The following UBR3 variants were observed in gnomAD, a reference collection of about 807,000 sequenced individuals.
UBR3 encodes E3 ubiquitin-protein ligase UBR3.
In UBR3, 85 loss-of-function variants were observed where a neutral mutation model predicts 243.2. The ratio of observed to expected loss-of-function variants is 0.35; its 90% CI spans 0.29 to 0.42. The LOEUF (loss-of-function observed/expected upper bound fraction) is 0.42, where lower values mean the gene tolerates loss of function less well. UBR3 is among the 10% of genes least tolerant of loss of function. The probability of loss-of-function intolerance (pLI) is 1.00; values close to 1 mark genes in which losing one functional copy is unlikely to be tolerated. For missense variants in UBR3, 1,686 were observed against 2,300.8 expected (o/e 0.73, Z 5.47); for synonymous variants, 748 against 799.8 (o/e 0.94, Z 1.09).
intron 36 of UBR3, 143 bp from the exon 37 acceptor site, chr2:170,079,671 G>A: frequency 1.5e-6 from 1 of 658,502 alleles, no homozygotes; most frequent in Non-Finnish European, 2.5e-6. Flanking sequence ...TGTATAAGAT[G>A]GAAATGAGAG....
chr2:169,828,224 G>A (rs542020979), intron 1 of UBR3, among the ~76,000 whole-genome samples, 172 bp downstream of exon 1: 1 of 152,182 alleles, frequency 6.6e-6, no homozygotes, highest in East Asian at 1.9e-4. Context: ...AAGGGGGTGG[G>A]GAGGAGAAGG....
chr2:170,003,463 A>G (rs1391516513), intron 27 of UBR3, among the ~76,000 whole-genome samples: 1 of 33,408 alleles, frequency 3.0e-5, no homozygotes, highest in Non-Finnish European at 6.4e-5. Context: ...CCTGTATTCA[A>G]CTATTCCTTC....
chr2:169,946,056 A>T (rs2086781140), intron 20 of UBR3, among the ~76,000 whole-genome samples: 1 of 150,300 alleles, frequency 6.7e-6, no homozygotes, highest in African/African-American at 2.4e-5. Context: ...TCAAGAGAAG[A>T]GTGTCAGCAA....
At chr2:169,922,744 G>A (rs765244947) in intron 11 of UBR3, among the ~76,000 whole-genome samples, 17 of 151,798 alleles carry the variant, frequency 1.1e-4, no homozygotes, top group Admixed American at 2.0e-4. Flanking sequence ...ATAATATCCC[G>A]AAGGTTTATT....
At chr2:169,936,768 G>A (rs907436701) in intron 19 of UBR3, among the ~76,000 whole-genome samples, 6 of 152,004 alleles carry the variant, frequency 3.9e-5, no homozygotes, top group East Asian at 1.9e-4. Context: ...GAGAACATGC[G>A]GTGTTTGGTT....
At chr2:169,899,569 T>TA (rs1474645225) in intron 8 of UBR3, among the ~76,000 whole-genome samples, 1 of 152,164 alleles carries the variant, frequency 6.6e-6, no homozygotes, top group East Asian at 1.9e-4. Context: ...GCAGGTTTGT[T>TA]ACCTAGGTAT....
intron 24 of UBR3, among the ~76,000 whole-genome samples, chr2:169,960,365 T>C (rs1038378362): frequency 6.6e-6 from 1 of 152,030 alleles, no homozygotes; most frequent in African/African-American, 2.4e-5. Context: ...TATATCTATG[T>C]AAATATTCTG....
chr2:170,031,078 G>T (rs1455352425), intron 31 of UBR3, among the ~76,000 whole-genome samples: 1 of 151,916 alleles, frequency 6.6e-6, no homozygotes, highest in Non-Finnish European at 1.5e-5. Context: ...TTACAAGTGT[G>T]AGCCACCGTG....
At chr2:169,843,136 GTATT>G (rs2082356041) in intron 1 of UBR3, among the ~76,000 whole-genome samples, 1 of 152,102 alleles carries the variant, frequency 6.6e-6, no homozygotes, top group African/African-American at 2.4e-5. Flanking sequence ...ACATTTTCAG[GTATT>G]TATTATAGCA....
At chr2:170,055,690 T>G in intron 33 of UBR3, 106 bp downstream of exon 33, 1 of 1,398,826 alleles carries the variant, frequency 7.1e-7, no homozygotes, top group Non-Finnish European at 9.6e-7. Context: ...ATTGGTATTT[T>G]AATTGTAAAT....
intron 33 of UBR3, among the ~76,000 whole-genome samples, chr2:170,055,903 T>G (rs1220604243): frequency 6.6e-6 from 1 of 152,128 alleles, no homozygotes; most frequent in Non-Finnish European, 1.5e-5. Flanking sequence ...GACTTATCTA[T>G]TTTATTCGCC....
In UBR3 at chr2:170,008,797, T is replaced by C. The variant is rs771338027; in HGVS notation, c.4231-7T>C. On this transcript the variant is annotated splice_polypyrimidine_tract_variant and splice_region_variant and intron_variant, in intron 28 of 38. Coordinates refer to ENST00000272793, the MANE Select transcript of UBR3 (RefSeq NM_172070.4). ...AACTTTATATGTATGTTTGCATTTT[T>C]TTATAGTCAGAAACAAATTTAAGTA... The C allele has an allele frequency of 2.4e-6, 3 of 1,228,636 alleles. No homozygotes were observed. The highest frequency in any genetic ancestry group is 3.4e-6 in the Non-Finnish European group (3 of 874,452). The allele number at this position is 1,228,636 out of a possible 1,614,324, so 76.1% of individuals were successfully genotyped here.
Position 169,969,411 on chromosome 2 carries a change from C to G in UBR3, c.3634+10885C>G, listed in dbSNP as rs140609781. 1.1e-4 allele frequency among the ~76,000 whole-genome samples: 16 copies of G among 152,254 alleles called. No individual in the cohort carries two copies. In the East Asian group the frequency reaches 3.1e-3, roughly 29 times the overall value. On this transcript the variant is annotated intron_variant, in intron 24 of 38. Coordinates refer to ENST00000272793, the MANE Select transcript of UBR3 (RefSeq NM_172070.4). ...AGTTTCATTTTTCTGCTTACAGATA[C>G]TTGGTTTTCCAAACATCATTTATTG...
At chr2:169,921,701 G>A (rs887545428) in intron 11 of UBR3, among the ~76,000 whole-genome samples, 1 of 152,130 alleles carries the variant, frequency 6.6e-6, no homozygotes, top group Non-Finnish European at 1.5e-5. Context: ...CCAGGATTCT[G>A]CACTTAGGAA....
intron 36 of UBR3, chr2:170,077,675 T>A (rs2091839436): frequency 8.4e-6 from 3 of 359,122 alleles, no homozygotes; most frequent in Non-Finnish European, 1.5e-5. Flanking sequence ...AACCTCAGCC[T>A]CCTGGGTTCA....
At chr2:169,939,108 AT>A (rs1411593555) in intron 19 of UBR3, among the ~76,000 whole-genome samples, 1 of 151,584 alleles carries the variant, frequency 6.6e-6, no homozygotes, top group Admixed American at 6.6e-5. Flanking sequence ...CCTATTATTT[AT>A]TTGTGTTTGC....
chr2:169,934,894 A>G (rs1039945328), intron 19 of UBR3, among the ~76,000 whole-genome samples: 1 of 152,192 alleles, frequency 6.6e-6, no homozygotes. Flanking sequence ...GATCTAGTCC[A>G]GGTTTTATAA....
chr2:169,996,250 T>C (rs774781465), intron 26 of UBR3, among the ~76,000 whole-genome samples: 12 of 152,082 alleles, frequency 7.9e-5, no homozygotes, highest in Admixed American at 1.3e-4. Flanking sequence ...TTGTGTAGAG[T>C]AGAAAGAGTC....
At chr2:169,845,524 CGTCGTCGTCTTCTTCTTCTTCTTCTTCT>C (rs1179937216) in intron 1 of UBR3, among the ~76,000 whole-genome samples, 2 of 137,636 alleles carry the variant, frequency 1.5e-5, no homozygotes, top group African/African-American at 5.1e-5. Flanking sequence ...TCGTCGTCGT[CGTCGTCGTCTTCTTCTTCTTCTTCTTCT>C]TTCTTCTTCT....
Sources: allele counts gnomAD v4.1 joint callset (sites outside exome capture counted in the v4.1 genomes callset), GRCh38; gene constraint gnomAD v4.1.1; transcripts MANE v1.5; gene names NCBI Gene and HGNC (gene_info 2026-07-23, HGNC 2026-07-21).